EFCAB6: variants seen among roughly 807,000 people sequenced by gnomAD.
EFCAB6 encodes EF-hand calcium binding domain 6, also known as EF-hand calcium-binding domain-containing protein 6.
EFCAB6 carries 156 observed loss-of-function variants against 169.8 expected under a neutral mutation model. The observed-to-expected ratio is 0.92, with a 90% CI of 0.81 to 1.05. The LOEUF (loss-of-function observed/expected upper bound fraction) is 1.05, where lower values mean the gene tolerates loss of function less well. Ranked by LOEUF, EFCAB6 falls within the 50% of genes least tolerant of loss-of-function variation. The pLI, the probability that EFCAB6 is intolerant of heterozygous loss-of-function variation, is 0.00. For missense variants in EFCAB6, 1,800 were observed against 1,829.1 expected, an observed-to-expected ratio of 0.98 and a Z score of 0.29; for synonymous variants, 698 against 676.4, an observed-to-expected ratio of 1.03 and a Z score of -0.50.
At chr22:43,557,587 G>T (rs2048783281) in intron 26 of EFCAB6, among the ~76,000 whole-genome samples, 3 of 152,268 alleles carry the variant, frequency 2.0e-5, no homozygotes, top group Admixed American at 1.3e-4. Context: ...TTAAAGGCAA[G>T]CTGTATGGAA....
intron 18 of EFCAB6, among the ~76,000 whole-genome samples, chr22:43,632,540 T>C (rs879883936): frequency 6.6e-4 from 101 of 152,234 alleles, no homozygotes; most frequent in Admixed American, 1.2e-3. Context: ...TCTCAGGTGA[T>C]CCGCCCGCCT....
chr22:43,640,604 C>A (rs940921852), intron 17 of EFCAB6, among the ~76,000 whole-genome samples: 1 of 152,158 alleles, frequency 6.6e-6, no homozygotes, highest in African/African-American at 2.4e-5. Flanking sequence ...CAGACCTCTT[C>A]CCTCTGGTTC....
At chr22:43,631,888 G>A (rs2054971884) in intron 19 of EFCAB6, among the ~76,000 whole-genome samples, 1 of 150,644 alleles carries the variant, frequency 6.6e-6, no homozygotes, top group Admixed American at 6.6e-5. Context: ...TTAGCCTTCT[G>A]CCAGCAAAGT....
chr22:43,794,522 G>A (rs2062426414), intron 2 of EFCAB6, among the ~76,000 whole-genome samples: 1 of 152,148 alleles, frequency 6.6e-6, no homozygotes, highest in Admixed American at 6.5e-5. Context: ...TGATTTGTGT[G>A]TATTCGTATG....
At chr22:43,767,581 C>A (rs2061356312) in intron 4 of EFCAB6, among the ~76,000 whole-genome samples, 1 of 152,130 alleles carries the variant, frequency 6.6e-6, no homozygotes, top group South Asian at 2.1e-4. Context: ...AGCCCTAAAA[C>A]CACCCTCAGA....
rs905096118 is a variant in EFCAB6 at position 43,780,860 on chromosome 22, C to T, written c.139+1320G>A. 2.6e-5 allele frequency among the ~76,000 whole-genome samples: 4 copies of T among 152,160 alleles called. No homozygotes were observed. In the South Asian group the frequency reaches 6.2e-4, roughly 24 times the overall value. On this transcript the variant is annotated intron_variant, in intron 3 of 31. Transcript: ENST00000262726. ...GTGTCCAGCATGACTGGGATGGCTT[C>T]ACCCAATTACAAGGCAAAACCTAAC...
intron 20 of EFCAB6, among the ~76,000 whole-genome samples, chr22:43,623,012 G>C (rs1357473231): frequency 6.6e-6 from 1 of 152,208 alleles, no homozygotes; most frequent in Non-Finnish European, 1.5e-5. Flanking sequence ...TTTGAGAAAG[G>C]AAGAGATTTC....
At position 43,744,338 on chromosome 22, in the gene EFCAB6, A is replaced by G. The variant is rs2060487814; in HGVS notation, c.508-8345T>C. Among the ~76,000 whole-genome samples the G allele has an allele frequency of 6.6e-6, 1 of 152,142 alleles. No homozygotes were observed. The highest frequency in any genetic ancestry group is 2.1e-4 in the South Asian group (1 of 4,824). On this transcript the variant is annotated intron_variant, in intron 6 of 31. Coordinates refer to ENST00000262726, the MANE Select transcript of EFCAB6 (RefSeq NM_022785.4). The surrounding 1 kb of genome is among the most constrained non-coding windows in gnomAD (Gnocchi z 4.3). ...TAGAGACAGGACAGGAACCTGCAAAAAGGGTAGACAAGCATCTCATTTCCC... is the reference window on the plus strand; with the variant it reads ...TAGAGACAGGACAGGAACCTGCAAAGAGGGTAGACAAGCATCTCATTTCCC...
chr22:43,582,797 A>G lies in EFCAB6; in HGVS notation c.3033-2138T>C, dbSNP rs532310442. ...TGGAATAGAATGCTGGGGAAACCTG[A>G]AGGTCAAAAATATTGAACGTTATCT... On this transcript the variant is annotated intron_variant, in intron 24 of 31. Transcript: ENST00000262726. 2.0e-5 allele frequency among the ~76,000 whole-genome samples: 3 copies of G among 152,254 alleles called. No homozygotes were observed. In the South Asian group the frequency reaches 6.2e-4, roughly 32 times the overall value.
intron 19 of EFCAB6, among the ~76,000 whole-genome samples, chr22:43,629,562 G>A (rs988132269): frequency 2.6e-5 from 4 of 152,194 alleles, no homozygotes; most frequent in African/African-American, 9.7e-5. Context: ...GGTTACTGTG[G>A]TGAATGATGT....
At chr22:43,560,307 G>A (rs1436620409) in intron 26 of EFCAB6, among the ~76,000 whole-genome samples, 2 of 152,174 alleles carry the variant, frequency 1.3e-5, no homozygotes, top group Admixed American at 6.5e-5. Flanking sequence ...GGATAGGAAT[G>A]AAGTTTTTGA....
chr22:43,759,431 T>C (rs1436616615), intron 5 of EFCAB6: 1 of 152,252 alleles, frequency 6.6e-6, no homozygotes, highest in Admixed American at 6.5e-5. Context: ...GTAGTTATTC[T>C]TCATGGAAGT....
chr22:43,575,720 G>C (rs1172320540), intron 26 of EFCAB6, among the ~76,000 whole-genome samples: 1 of 152,058 alleles, frequency 6.6e-6, no homozygotes, highest in Non-Finnish European at 1.5e-5. Context: ...CAGTGTTTAG[G>C]AACCTGGAGT....
At chr22:43,741,708 G>T (rs776277612) in intron 6 of EFCAB6, among the ~76,000 whole-genome samples, 1 of 152,158 alleles carries the variant, frequency 6.6e-6, no homozygotes, top group Non-Finnish European at 1.5e-5. Flanking sequence ...ATTCGCAGCC[G>T]TGTCTGCGGC....
intron 24 of EFCAB6, among the ~76,000 whole-genome samples, chr22:43,584,708 A>C (rs1466189076): frequency 6.6e-6 from 1 of 152,142 alleles, no homozygotes; most frequent in Non-Finnish European, 1.5e-5. Flanking sequence ...CCCAATAAAC[A>C]TTTCTAAATG....
intron 16 of EFCAB6, 134 bp downstream of exon 16, chr22:43,668,736 CTG>C (rs1347562227): frequency 1.3e-6 from 1 of 767,394 alleles, no homozygotes; most frequent in Non-Finnish European, 1.8e-6. Context: ...ACTCTAATTA[CTG>C]TCTTTCTAGT....
At chr22:43,668,283 G>C (rs1429476379) in intron 16 of EFCAB6, among the ~76,000 whole-genome samples, 1 of 152,184 alleles carries the variant, frequency 6.6e-6, no homozygotes, top group Non-Finnish European at 1.5e-5. Flanking sequence ...TATAAGCAAT[G>C]AATGAGCAAG....
At chr22:43,531,769 G>A (rs1317529111) in intron 30 of EFCAB6, among the ~76,000 whole-genome samples, 2 of 152,132 alleles carry the variant, frequency 1.3e-5, no homozygotes, top group African/African-American at 4.8e-5. Flanking sequence ...TGATCCACAG[G>A]TGGGGAAGAG....
rs1343322550 is a variant in EFCAB6, at chr22:43,540,363, G to A, written c.3649-6C>T. 3 of 1,613,818 alleles carry A rather than the reference G, an allele frequency of 1.9e-6. No individual in the cohort carries two copies. In the African/African-American group the frequency reaches 4.0e-5, roughly 22 times the overall value. ...TCGTTCCAGAGTCTGTCAAACTGGA[G>A]AAGGAGCAGAAGTCATTTCCCAGGT... On this transcript the variant is annotated splice_polypyrimidine_tract_variant and splice_region_variant and intron_variant, in intron 27 of 31. Transcript: ENST00000262726.
Sources: gnomAD v4.1 joint callset for allele counts (sites outside exome capture counted in the v4.1 genomes callset) on GRCh38, gnomAD v4.1.1 for gene constraint, Gnocchi (gnomAD v3.1) non-coding constraint, MANE v1.5 for transcripts, NCBI Gene and HGNC (gene_info 2026-07-23, HGNC 2026-07-21) for gene names.